Variants in ESRRG observed in about 807,000 individuals in gnomAD.
ESRRG encodes estrogen-related receptor gamma.
ESRRG carries 13 observed loss-of-function variants against 44.0 expected under a neutral mutation model. The observed-to-expected ratio is 0.30, with a 90% CI of 0.19 to 0.47. The LOEUF (loss-of-function observed/expected upper bound fraction) is 0.47. ESRRG is among the 20% of genes least tolerant of loss of function. ESRRG has a pLI of 1.00. For missense variants in ESRRG, 395 were observed against 580.6 expected (o/e 0.68, Z 3.29); for synonymous variants, 215 against 214.6 (o/e 1.00, Z -0.02).
chr1:216,967,405 A>G (rs1327325828), intron 1 of ESRRG, among the ~76,000 whole-genome samples: 1 of 151,908 alleles, frequency 6.6e-6, no homozygotes, highest in East Asian at 1.9e-4. Context: ...GCAGTCCCCA[A>G]CCTCTGGCAA....
chr1:216,545,227 T>C (rs1432412388), intron 5 of ESRRG, among the ~76,000 whole-genome samples: 1 of 144,428 alleles, frequency 6.9e-6, no homozygotes, highest in Non-Finnish European at 1.5e-5. Context: ...TTTTAATTTT[T>C]ATGTTTTTTT....
intron 3 of ESRRG, among the ~76,000 whole-genome samples, chr1:216,569,116 G>GAAGGAAGAAGGAAGT (rs2060245936): frequency 7.4e-6 from 1 of 135,254 alleles, no homozygotes; most frequent in Non-Finnish European, 1.6e-5. Context: ...AAGGAAGAAG[G>GAAGGAAGAAGGAAGT]AAGGAAGGAA....
intron 5 of ESRRG, among the ~76,000 whole-genome samples, chr1:216,535,351 T>C (rs959304721): frequency 3.3e-5 from 5 of 152,096 alleles, no homozygotes; most frequent in African/African-American, 1.2e-4. Context: ...ATCTTTGATG[T>C]TCCTCAATAT....
At chr1:216,935,089 A>G (rs2063919310) in intron 2 of ESRRG, among the ~76,000 whole-genome samples, 1 of 152,066 alleles carries the variant, frequency 6.6e-6, no homozygotes, top group Admixed American at 6.5e-5. Context: ...TGCTTTTCCT[A>G]CTCTCACATT....
intron 6 of ESRRG, among the ~76,000 whole-genome samples, chr1:216,508,818 A>T (rs1170968253): frequency 6.6e-6 from 1 of 152,182 alleles, no homozygotes; most frequent in African/African-American, 2.4e-5. Context: ...ATGGGGAAAC[A>T]CTATGGTGAG....
chr1:217,079,971 T>C (rs745845917), intron 1 of ESRRG, among the ~76,000 whole-genome samples: 18 of 152,188 alleles, frequency 1.2e-4, no homozygotes, highest in Admixed American at 6.5e-5. Context: ...ACACCCAGTT[T>C]ACTAATGGGA....
intron 1 of ESRRG, among the ~76,000 whole-genome samples, chr1:217,118,606 A>G (rs1030950876): frequency 6.6e-6 from 1 of 152,178 alleles, no homozygotes; most frequent in Non-Finnish European, 1.5e-5. Flanking sequence ...CACACATGCA[A>G]AAAGAATGCA....
chr1:216,917,071 C>G (rs896715244), intron 2 of ESRRG, among the ~76,000 whole-genome samples: 1 of 151,334 alleles, frequency 6.6e-6, no homozygotes, highest in African/African-American at 2.4e-5. Flanking sequence ...TCTCTCTCCT[C>G]CCCTAGAATC....
chr1:217,035,672 G>A (rs1477280278), intron 1 of ESRRG, among the ~76,000 whole-genome samples: 1 of 140,044 alleles, frequency 7.1e-6, no homozygotes, highest in Non-Finnish European at 1.6e-5. Flanking sequence ...AAACTCTAGG[G>A]ATTCCGTGAA....
chr1:216,850,605 G>A (rs182107874), intron 2 of ESRRG, among the ~76,000 whole-genome samples: 261 of 152,078 alleles, frequency 1.7e-3, no homozygotes, highest in Admixed American at 4.5e-3. Context: ...TATCTCCTTT[G>A]TTCCAATAAT....
intron 3 of ESRRG, among the ~76,000 whole-genome samples, chr1:216,595,996 A>C (rs2058375588): frequency 6.6e-6 from 1 of 152,250 alleles, no homozygotes; most frequent in Non-Finnish European, 1.5e-5. Flanking sequence ...TTCAAACAGC[A>C]GTCAGGGACT....
At chr1:216,707,458 A>T in intron 1 of ESRRG, 1 of 1,535,482 alleles carries the variant, frequency 6.5e-7, no homozygotes, top group Non-Finnish European at 8.7e-7. Context: ...ATTCCTAATT[A>T]CATTCATGAT....
At chr1:216,703,535 G>A (rs190678543) in intron 1 of ESRRG, among the ~76,000 whole-genome samples, 132 of 151,930 alleles carry the variant, frequency 8.7e-4, no homozygotes, top group African/African-American at 3.2e-3. Context: ...GGTAATTTAA[G>A]AATAAGTGAA....
intron 5 of ESRRG, among the ~76,000 whole-genome samples, chr1:216,562,296 G>A (rs1224997473): frequency 6.6e-6 from 1 of 152,004 alleles, no homozygotes; most frequent in Non-Finnish European, 1.5e-5. Flanking sequence ...TTTGAAATAG[G>A]TTTTTTAAAT....
intron 2 of ESRRG, among the ~76,000 whole-genome samples, chr1:216,796,358 T>C (rs1321400514): frequency 1.3e-5 from 2 of 152,134 alleles, no homozygotes; most frequent in Non-Finnish European, 2.9e-5. Flanking sequence ...AAGAATGTTC[T>C]AGAGAAAAGG....
intron 5 of ESRRG, 49 bp downstream of exon 5, chr1:216,564,170 G>T (rs776597549): frequency 1.6e-6 from 2 of 1,222,558 alleles, no homozygotes; most frequent in Non-Finnish European, 2.2e-6. Flanking sequence ...ACATAACCTA[G>T]GGAATTAATT....
At chr1:216,790,420 A>G (rs1288190816) in intron 2 of ESRRG, among the ~76,000 whole-genome samples, 1 of 152,144 alleles carries the variant, frequency 6.6e-6, no homozygotes, top group Non-Finnish European at 1.5e-5. Context: ...ACTTTATAAA[A>G]TGCTTTCATA....
chr1:216,596,641 G>A (rs2058487551), intron 3 of ESRRG, among the ~76,000 whole-genome samples: 1 of 152,186 alleles, frequency 6.6e-6, no homozygotes, highest in Non-Finnish European at 1.5e-5. Flanking sequence ...CAATATCAAT[G>A]CTCCAAGTAT....
intron 2 of ESRRG, among the ~76,000 whole-genome samples, chr1:216,747,958 G>A (rs528487532): frequency 2.0e-5 from 3 of 152,078 alleles, no homozygotes; most frequent in South Asian, 2.1e-4. Flanking sequence ...AACTAGAAAG[G>A]TGATTGTATA....
Sources: gnomAD v4.1 joint callset for allele counts (sites outside exome capture counted in the v4.1 genomes callset) on GRCh38, gnomAD v4.1.1 for gene constraint, MANE v1.5 for transcripts, NCBI Gene and HGNC (gene_info 2026-07-23, HGNC 2026-07-21) for gene names.